Variants in CCDC3 observed in about 807,000 individuals in gnomAD.
The protein encoded by CCDC3 is coiled-coil domain-containing protein 3.
Under a neutral mutation model 21.4 loss-of-function variants are expected in CCDC3, and 24 were observed. The ratio of observed to expected loss-of-function variants is 1.12; its 90% CI spans 0.81 to 1.58. CCDC3 has a LOEUF of 1.58. Ranked by LOEUF, CCDC3 falls within the 40% of genes most tolerant of loss-of-function variation. CCDC3 has a pLI of 0.00. For missense variants in CCDC3, 425 were observed against 360.9 expected, an observed-to-expected ratio of 1.18 and a Z score of -1.44; for synonymous variants, 186 against 166.0, an observed-to-expected ratio of 1.12 and a Z score of -0.93.
At chr10:12,970,618 C>T (rs530982441) in intron 2 of CCDC3, among the ~76,000 whole-genome samples, 4 of 152,188 alleles carry the variant, frequency 2.6e-5, no homozygotes, top group Non-Finnish European at 5.9e-5. Flanking sequence ...GTGGCTCACG[C>T]CTGTAATCCC....
chr10:13,052,938 T>TCACACACA lies in CCDC3; in HGVS notation c.-269-3005_-269-2998dup, dbSNP rs56261341. 3.3e-3 allele frequency among the ~76,000 whole-genome samples: 443 copies of TCACACACA among 134,420 alleles called. 1 individual carries two copies. The highest frequency in any genetic ancestry group is 6.4e-3 in the African/African-American group (228 of 35,524). 88.2% of individuals were successfully genotyped at this position (134,420 alleles called of 152,430 possible). A position where few individuals can be genotyped will look rare whatever the true frequency, so the allele number is the denominator to read the frequency against. On this transcript the variant is annotated intron_variant, in intron 4 of 6. Transcript: ENST00000378839. ...GCCTGGGCAGTAGATTGAGACTCTGTCACACACACACACACACACACACAC... is the reference window on the plus strand; with the variant it reads ...GCCTGGGCAGTAGATTGAGACTCTGTCACACACACACACACACACACACACACACACAC...
chr10:12,985,933 T>A (rs1014710753), intron 2 of CCDC3, among the ~76,000 whole-genome samples: 1 of 152,228 alleles, frequency 6.6e-6, no homozygotes, highest in Non-Finnish European at 1.5e-5. Context: ...TGGAGTGCAG[T>A]GGCGCGATCT....
At chr10:12,916,224 GC>G (rs1452328573) in intron 2 of CCDC3, among the ~76,000 whole-genome samples, 1 of 152,116 alleles carries the variant, frequency 6.6e-6, no homozygotes, top group Non-Finnish European at 1.5e-5. Context: ...ACAAGGGCAG[GC>G]GATTGAGACC....
rs893813825 is a variant in CCDC3 at position 12,931,586 on chromosome 10, CG to C, written c.550-32908del. The stretch of plus-strand genomic sequence containing the variant: ...TTCTATAGCTGCTTTTGGCAGAGGC[CG>C]TGGCTACCCTGAAGGGCTAAATCAG... On this transcript the variant is annotated intron_variant, in intron 2 of 2. Coordinates refer to ENST00000378825, the MANE Select transcript of CCDC3 (RefSeq NM_031455.4). Among the ~76,000 whole-genome samples the C allele has an allele frequency of 2.6e-5, 4 of 152,210 alleles. No individual in the cohort carries two copies. The East Asian group carries it at 5.8e-4, about 22-fold the overall frequency.
At position 13,043,240 on chromosome 10, in the gene CCDC3, C is replaced by A. The variant is rs1181780681; in HGVS notation, c.-2+6434G>T. Among the ~76,000 whole-genome samples the A allele has an allele frequency of 3.3e-5, 5 of 152,048 alleles. No individual in the cohort carries two copies. In the South Asian group the frequency reaches 1.0e-3, roughly 32 times the overall value. ...CTCCCTCTCCCTGACCCAGGAGCCC[C>A]CAGTGTCTACTATTACCATCCTTAT... On this transcript the variant is annotated intron_variant, in intron 5 of 6. Coordinates refer to the CCDC3 transcript ENST00000378839.
upstream of CCDC3, among the ~76,000 whole-genome samples, chr10:13,002,320 G>T (rs1478667507): frequency 6.6e-6 from 1 of 152,180 alleles, no homozygotes; most frequent in African/African-American, 2.4e-5. Context: ...TCACATCAGT[G>T]AGTGAATTTG....
chr10:13,006,614 A>G (rs1461308476), upstream of CCDC3, among the ~76,000 whole-genome samples: 1 of 152,170 alleles, frequency 6.6e-6, no homozygotes, highest in African/African-American at 2.4e-5. Context: ...CCTTCCAACA[A>G]TAAAAGCCAT....
intron 2 of CCDC3, among the ~76,000 whole-genome samples, chr10:12,986,603 T>C (rs1335105346): frequency 6.6e-6 from 1 of 152,056 alleles, no homozygotes; most frequent in Non-Finnish European, 1.5e-5. Flanking sequence ...TGAAACCCCA[T>C]CTCCACTAAA....
intron 5 of CCDC3, among the ~76,000 whole-genome samples, chr10:13,021,253 C>T (rs1004066418): frequency 7.2e-5 from 11 of 152,158 alleles, no homozygotes; most frequent in African/African-American, 2.4e-4. Context: ...AAAAATACAC[C>T]AATTCAAGGT....
chr10:12,923,301 G>A (rs566921566), intron 2 of CCDC3, among the ~76,000 whole-genome samples: 9 of 152,294 alleles, frequency 5.9e-5, no homozygotes, highest in African/African-American at 1.4e-4. Context: ...TGAGATAGAC[G>A]GTCCTCCCTC....
chr10:13,060,531 G>A (rs1836743609), intron 4 of CCDC3, among the ~76,000 whole-genome samples: 1 of 152,116 alleles, frequency 6.6e-6, no homozygotes, highest in Non-Finnish European at 1.5e-5. Flanking sequence ...AACAGACAGG[G>A]TCTCACTCTG....
At chr10:12,912,172 T>C (rs891079356) in intron 2 of CCDC3, among the ~76,000 whole-genome samples, 2 of 152,230 alleles carry the variant, frequency 1.3e-5, no homozygotes, top group Non-Finnish European at 2.9e-5. Flanking sequence ...TGCTGGATCA[T>C]ACAGTAGCTC....
chr10:13,083,381 C>T (rs181719413), intron 3 of CCDC3, among the ~76,000 whole-genome samples: 71 of 152,282 alleles, frequency 4.7e-4, no homozygotes, highest in African/African-American at 1.5e-3. Flanking sequence ...AGGAGGGAAC[C>T]GTAGAAAGTA....
At chr10:12,992,722 G>A (rs138658050) in intron 2 of CCDC3, among the ~76,000 whole-genome samples, 4 of 152,040 alleles carry the variant, frequency 2.6e-5, no homozygotes, top group East Asian at 3.9e-4. Context: ...TCACGAGATG[G>A]GTGCACCAAA....
chr10:13,094,633 G>C (rs563385545), intron 3 of CCDC3, among the ~76,000 whole-genome samples: 2 of 152,148 alleles, frequency 1.3e-5, no homozygotes, highest in East Asian at 3.9e-4. Flanking sequence ...GGAGGCCGAG[G>C]TGGAAGGATC....
chr10:13,027,724 A>AC (rs1303294923), intron 5 of CCDC3, among the ~76,000 whole-genome samples: 2 of 150,382 alleles, frequency 1.3e-5, no homozygotes, highest in Non-Finnish European at 3.0e-5. Flanking sequence ...AAAAATTAAA[A>AC]AAAAAAAACA....
chr10:13,079,364 C>A (rs562240973), intron 3 of CCDC3, among the ~76,000 whole-genome samples: 13 of 152,178 alleles, frequency 8.5e-5, no homozygotes, highest in Non-Finnish European at 1.8e-4. Context: ...TGGCTGTGAC[C>A]TGGAGTAAAG....
At chr10:12,981,697 T>C (rs113061087) in intron 2 of CCDC3, among the ~76,000 whole-genome samples, 2,347 of 152,306 alleles carry the variant, frequency 0.015, 65 homozygotes, top group African/African-American at 0.053. Flanking sequence ...AGGGCATCTA[T>C]GAAGTAGTCC....
intron 3 of CCDC3, among the ~76,000 whole-genome samples, chr10:13,077,476 C>T (rs938020302): frequency 2.0e-5 from 3 of 152,164 alleles, no homozygotes; most frequent in Non-Finnish European, 4.4e-5. Context: ...ATTAAGCTAC[C>T]AATGACTTTC....
Sources: gnomAD v4.1 joint callset for allele counts (sites outside exome capture counted in the v4.1 genomes callset) on GRCh38, gnomAD v4.1.1 for gene constraint, MANE v1.5 for transcripts, NCBI Gene and HGNC (gene_info 2026-07-23, HGNC 2026-07-21) for gene names.